The following GABRA4 variants were observed in gnomAD, a reference collection of about 807,000 sequenced individuals.
The protein encoded by GABRA4 is gamma-aminobutyric acid type A receptor subunit alpha4, also known as gamma-aminobutyric acid receptor subunit alpha-4.
A neutral mutation model predicts 49.7 loss-of-function variants in GABRA4; 12 were observed. The observed-to-expected ratio is 0.24, with a 90% CI of 0.15 to 0.39. The LOEUF (loss-of-function observed/expected upper bound fraction) is 0.39, where lower values mean the gene tolerates loss of function less well. Ranked by LOEUF, GABRA4 falls within the 10% of genes least tolerant of loss-of-function variation. The pLI, the probability that GABRA4 is intolerant of heterozygous loss-of-function variation, is 1.00. For missense variants in GABRA4, 506 were observed against 686.0 expected (o/e 0.74, Z 2.93); for synonymous variants, 288 against 240.2 (o/e 1.20, Z -1.84).
rs912444419 is a variant in GABRA4 at position 46,924,320 on chromosome 4, A to G, written c.*3905T>C. ...CACTTAAATATTAGGTATCTTGATT[A>G]TTGAAGTTTTGATGTCCCCATATAT... On this transcript the variant is annotated 3_prime_UTR_variant, in exon 9 of 9. Transcript: ENST00000264318. 54 of 152,106 alleles carry G rather than the reference A, an allele frequency of 3.6e-4. No individual in the cohort carries two copies. Among genetic ancestry groups the G allele is most frequent in the African/African-American group, 1.3e-3 (52 of 41,450 alleles). 9.4% of individuals were successfully genotyped at this position (152,106 alleles called of 1,614,324 possible).
chr4:46,958,751 T>C (rs1722455415), intron 8 of GABRA4, among the ~76,000 whole-genome samples: 1 of 151,896 alleles, frequency 6.6e-6, no homozygotes, highest in African/African-American at 2.4e-5. Flanking sequence ...CATGAACTAT[T>C]CCAATTCCCA....
intron 8 of GABRA4, 33 bp from the exon 9 acceptor site, chr4:46,928,788 T>G (rs768461518): frequency 7.7e-6 from 11 of 1,421,222 alleles, no homozygotes; most frequent in Non-Finnish European, 9.7e-7. Context: ...ATATTGGTTA[T>G]GTAACTTTAT....
At chr4:46,974,090 G>A (rs1560479306) in intron 6 of GABRA4, 142 bp downstream of exon 6, 2 of 643,006 alleles carry the variant, frequency 3.1e-6, no homozygotes, top group Non-Finnish European at 2.6e-6. Context: ...GAAATTATGA[G>A]CTATAACTCA....
chr4:46,976,966 C>T (rs1723158691), intron 5 of GABRA4, 95 bp downstream of exon 5: 2 of 709,162 alleles, frequency 2.8e-6, no homozygotes, highest in Non-Finnish European at 4.9e-6. Context: ...TGGACCATGA[C>T]TTAAATGTTG....
chr4:46,977,307 A>C, intron 4 of GABRA4, 103 bp downstream of exon 4: 1 of 419,084 alleles, frequency 2.4e-6, no homozygotes, highest in Admixed American at 4.2e-5. Flanking sequence ...GGAGGGAGGA[A>C]GGGAGGGAGG....
chr4:46,934,828 C>T (rs949886670), intron 8 of GABRA4, among the ~76,000 whole-genome samples: 6 of 152,072 alleles, frequency 3.9e-5, no homozygotes, highest in Admixed American at 6.6e-5. Flanking sequence ...TGGAGGAAAC[C>T]GCTTTGTTAG....
chr4:46,942,913 TCTC>T (rs1296211402), intron 8 of GABRA4, among the ~76,000 whole-genome samples: 1 of 152,040 alleles, frequency 6.6e-6, no homozygotes, highest in East Asian at 1.9e-4. Context: ...ATCAATGTCT[TCTC>T]CCCCCAATTT....
intron 8 of GABRA4, among the ~76,000 whole-genome samples, chr4:46,952,579 G>C (rs2109359625): frequency 6.6e-6 from 1 of 152,182 alleles, no homozygotes; most frequent in South Asian, 2.1e-4. Context: ...TGAGCAAAAA[G>C]CTGGAGATTT....
chr4:46,963,503 T>C (rs1467313393), intron 8 of GABRA4, among the ~76,000 whole-genome samples: 2 of 151,826 alleles, frequency 1.3e-5, no homozygotes, highest in African/African-American at 2.4e-5. Context: ...CATTTTTCTC[T>C]TACCATCACC....
intron 7 of GABRA4, among the ~76,000 whole-genome samples, chr4:46,965,624 C>A (rs1722728316): frequency 1.3e-5 from 2 of 151,722 alleles, no homozygotes; most frequent in Non-Finnish European, 2.9e-5. Flanking sequence ...ACACACACCT[C>A]TCAGGAAGAG....
Position 46,992,868 on chromosome 4 carries a change from C to T in GABRA4, c.165G>A (p.Leu55=). Residue 55 remains leucine (L), a synonymous_variant, in exon 2 of 9, where the codon TTG becomes TTA. Coordinates refer to ENST00000264318, the MANE Select transcript of GABRA4 (RefSeq NM_000809.4). Reference sequence around the variant, plus strand: ...GCAGCCTGTTGTCATAACCATCGAGCAAACTGTCCAGGATGCGGGTGAAAT... The same window carrying T: ...GCAGCCTGTTGTCATAACCATCGAGTAAACTGTCCAGGATGCGGGTGAAAT... ...TENFTRILDS[L]LDGYDNRLRP... 6.2e-7 allele frequency: 1 copy of T among 1,613,034 alleles called. No homozygotes were observed. The highest frequency in any genetic ancestry group is 8.5e-7 in the Non-Finnish European group (1 of 1,179,780).
At chr4:46,981,631 A>T (rs1198708858) in intron 2 of GABRA4, among the ~76,000 whole-genome samples, 1 of 152,134 alleles carries the variant, frequency 6.6e-6, no homozygotes, top group South Asian at 2.1e-4. Context: ...TTGGTAAACA[A>T]GACTCAGGAA....
chr4:46,950,157 C>A (rs1187938526), intron 8 of GABRA4, among the ~76,000 whole-genome samples: 1 of 152,060 alleles, frequency 6.6e-6, no homozygotes, highest in African/African-American at 2.4e-5. Flanking sequence ...GTGAGCTAAG[C>A]ACAAGAGAGA....
At chr4:46,940,291 G>A (rs1357062856) in intron 8 of GABRA4, among the ~76,000 whole-genome samples, 1 of 151,884 alleles carries the variant, frequency 6.6e-6, no homozygotes, top group Non-Finnish European at 1.5e-5. Context: ...TGGTACATAG[G>A]ATACTGAAAT....
chr4:46,930,891 A>G (rs1421010195), intron 8 of GABRA4, among the ~76,000 whole-genome samples: 1 of 151,862 alleles, frequency 6.6e-6, no homozygotes, highest in Non-Finnish European at 1.5e-5. Flanking sequence ...CAGAACCATA[A>G]TCACCGAGAG....
chr4:46,932,706 G>GT (rs1177064547), intron 8 of GABRA4, among the ~76,000 whole-genome samples: 1 of 152,034 alleles, frequency 6.6e-6, no homozygotes, highest in East Asian at 1.9e-4. Flanking sequence ...AAAGGTTATG[G>GT]TTTTATTGCC....
intron 8 of GABRA4, among the ~76,000 whole-genome samples, chr4:46,953,273 C>G (rs186815826): frequency 4.6e-5 from 7 of 152,110 alleles, no homozygotes; most frequent in African/African-American, 9.6e-5. Flanking sequence ...TCCCTCACCC[C>G]CTAAAGCTCA....
At chr4:46,933,704 T>C (rs1419103820) in intron 8 of GABRA4, among the ~76,000 whole-genome samples, 1 of 152,184 alleles carries the variant, frequency 6.6e-6, no homozygotes, top group Admixed American at 6.5e-5. Flanking sequence ...GCAACTAATG[T>C]GTCAGAGTGA....
chr4:46,943,528 G>A (rs1040840694), intron 8 of GABRA4, among the ~76,000 whole-genome samples: 9 of 151,948 alleles, frequency 5.9e-5, no homozygotes, highest in African/African-American at 1.7e-4. Flanking sequence ...AACTTTTTCA[G>A]CGGCACCTGA....
Sources: allele counts gnomAD v4.1 joint callset (sites outside exome capture counted in the v4.1 genomes callset), GRCh38; gene constraint gnomAD v4.1.1; transcripts MANE v1.5; gene names NCBI Gene and HGNC (gene_info 2026-07-23, HGNC 2026-07-21).